MAP2K5: variants seen among roughly 807,000 people sequenced by gnomAD.
MAP2K5 encodes mitogen-activated protein kinase kinase 5.
MAP2K5 carries 49 observed loss-of-function variants against 83.1 expected under a neutral mutation model. The observed-to-expected ratio is 0.59, with a 90% confidence interval of 0.47 to 0.75. The LOEUF is 0.75. MAP2K5 is among the 30% of genes least tolerant of loss of function. The pLI is 0.00. For synonymous variants in MAP2K5, 202 were observed against 191.8 expected (o/e 1.05, Z -0.44); for missense variants, 457 against 557.5 (o/e 0.82, Z 1.82).
rs575659211 is a variant in MAP2K5 at position 67,760,931 on chromosome 15, C to T, written c.1135-8671C>T. Among the ~76,000 whole-genome samples, 27 of 152,116 alleles carry T rather than the reference C, an allele frequency of 1.8e-4. 2 individuals carry two copies. The highest frequency in any genetic ancestry group is 1.2e-3 in the Admixed American group (18 of 15,260). ...TGGGGGCACTGCTCTGCTTCACTGC[C>T]GAGTTGCTGTAATCGTTTTGCCGGC... On this transcript the variant is annotated intron_variant, in intron 19 of 21. Transcript: ENST00000178640. The surrounding 1 kb of genome is among the most constrained non-coding windows in gnomAD (Gnocchi z 4.1).
At chr15:67,669,028 C>G (rs962254386) in intron 13 of MAP2K5, among the ~76,000 whole-genome samples, 40 of 152,028 alleles carry the variant, frequency 2.6e-4, no homozygotes, top group African/African-American at 9.4e-4. Flanking sequence ...TATTTTCTAC[C>G]CTTGGCTTTT....
chr15:67,800,735 G>T (rs2090690005), intron 21 of MAP2K5, among the ~76,000 whole-genome samples: 1 of 152,170 alleles, frequency 6.6e-6, no homozygotes, highest in Non-Finnish European at 1.5e-5. Flanking sequence ...ACGTGATGGG[G>T]CTCAGTGTAC....
intron 8 of MAP2K5, among the ~76,000 whole-genome samples, chr15:67,625,519 A>T (rs1207877308): frequency 6.6e-6 from 1 of 152,248 alleles, no homozygotes; most frequent in African/African-American, 2.4e-5. Flanking sequence ...TTTTGGTGTA[A>T]GCAGAGCCTC....
chr15:67,714,712 C>A (rs1027578095), intron 16 of MAP2K5, among the ~76,000 whole-genome samples: 12 of 152,074 alleles, frequency 7.9e-5, no homozygotes, highest in Non-Finnish European at 5.9e-5. Context: ...GTTGAATATT[C>A]CTAACCTGAA....
At chr15:67,705,719 A>G (rs1023616570) in intron 16 of MAP2K5, among the ~76,000 whole-genome samples, 1 of 152,062 alleles carries the variant, frequency 6.6e-6, no homozygotes, top group African/African-American at 2.4e-5. Flanking sequence ...CTGTGTAACA[A>G]GAGCGAAACT....
chr15:67,742,230 G>T lies in MAP2K5; in HGVS notation c.1075-6001G>T, dbSNP rs963715310. Among the ~76,000 whole-genome samples, 3 of 152,176 alleles carry T rather than the reference G, an allele frequency of 2.0e-5. No homozygotes were observed. In the South Asian group the frequency reaches 6.2e-4, roughly 31 times the overall value. ...TTAACAGTTTAATCTGCCCAAAAGA[G>T]AATCATTGGAATCTCATCATTAGAA... On this transcript the variant is annotated intron_variant, in intron 17 of 21. Coordinates refer to ENST00000178640, the MANE Select transcript of MAP2K5 (RefSeq NM_145160.3).
chr15:67,625,106 A>C (rs2086287153), intron 8 of MAP2K5, among the ~76,000 whole-genome samples: 1 of 152,246 alleles, frequency 6.6e-6, no homozygotes, highest in South Asian at 2.1e-4. Flanking sequence ...CTACTAGCTC[A>C]ATAAATTATC....
intron 19 of MAP2K5, among the ~76,000 whole-genome samples, chr15:67,763,511 A>G (rs1053013435): frequency 6.6e-6 from 1 of 152,158 alleles, no homozygotes; most frequent in African/African-American, 2.4e-5. Flanking sequence ...GACCTTTAAA[A>G]TATTAAAATA....
At chr15:67,585,512 A>T (rs2085269818) in intron 4 of MAP2K5, among the ~76,000 whole-genome samples, 1 of 152,220 alleles carries the variant, frequency 6.6e-6, no homozygotes, top group African/African-American at 2.4e-5. Flanking sequence ...TTGCTCACAA[A>T]AAAATCCCTT....
At chr15:67,697,526 C>G (rs71400376) in intron 15 of MAP2K5, among the ~76,000 whole-genome samples, 1,586 of 152,250 alleles carry the variant, frequency 0.01, 11 homozygotes, top group Non-Finnish European at 0.014. Flanking sequence ...TGCATCTCCC[C>G]CAATCTAGAT....
chr15:67,624,338 CAAAAA>C (rs755739176), intron 8 of MAP2K5, among the ~76,000 whole-genome samples: 1 of 78,308 alleles, frequency 1.3e-5, no homozygotes. Context: ...GACTCCGTCT[CAAAAA>C]AAAAAAAAAA....
intron 2 of MAP2K5, among the ~76,000 whole-genome samples, chr15:67,557,017 T>A (rs1369740745): frequency 1.3e-5 from 2 of 152,246 alleles, no homozygotes; most frequent in East Asian, 3.8e-4. Flanking sequence ...GTAAATTCCA[T>A]AACCATAAAA....
chr15:67,632,451 G>T (rs562813675), intron 9 of MAP2K5, among the ~76,000 whole-genome samples: 1 of 152,264 alleles, frequency 6.6e-6, no homozygotes, highest in South Asian at 2.1e-4. Context: ...TACATAGTAA[G>T]CCTGTCTACT....
intron 8 of MAP2K5, chr15:67,627,991 A>T (rs2086366414): frequency 1.6e-5 from 12 of 741,734 alleles, no homozygotes; most frequent in Non-Finnish European, 2.1e-5. Context: ...GTAATGAGAG[A>T]TCCAAGCACC....
intron 7 of MAP2K5, among the ~76,000 whole-genome samples, chr15:67,593,805 T>G (rs1411077421): frequency 6.6e-6 from 1 of 152,252 alleles, no homozygotes; most frequent in Non-Finnish European, 1.5e-5. Flanking sequence ...CGTCCATGTT[T>G]CGAAGGCTGA....
intron 17 of MAP2K5, 114 bp downstream of exon 17, chr15:67,728,059 T>C (rs1282153803): frequency 1.4e-5 from 13 of 906,704 alleles, no homozygotes; most frequent in Non-Finnish European, 2.2e-5. Flanking sequence ...TCCTGTTAAA[T>C]TGAAAAGTGG....
intron 2 of MAP2K5, among the ~76,000 whole-genome samples, chr15:67,551,794 T>G (rs1017648535): frequency 1.3e-5 from 2 of 152,200 alleles, no homozygotes; most frequent in Non-Finnish European, 2.9e-5. Context: ...AAATGCCTAT[T>G]ATAATGGATT....
intron 16 of MAP2K5, among the ~76,000 whole-genome samples, chr15:67,705,779 G>A (rs2088536153): frequency 6.6e-6 from 1 of 152,030 alleles, no homozygotes; most frequent in Admixed American, 6.5e-5. Flanking sequence ...GTCCTCTCTG[G>A]TAAAGTACCA....
rs1271377254 is a variant in MAP2K5, at chr15:67,652,022, A to G, written c.736+5553A>G. Among the ~76,000 whole-genome samples, 1 of 152,150 alleles carries G rather than the reference A, an allele frequency of 6.6e-6. No individual in the cohort carries two copies. The highest frequency in any genetic ancestry group is 1.9e-4 in the East Asian group (1 of 5,190). On this transcript the variant is annotated intron_variant, in intron 11 of 21. Coordinates refer to ENST00000178640, the MANE Select transcript of MAP2K5 (RefSeq NM_145160.3). This position sits in a 1 kb window ranked among gnomAD's most constrained non-coding sequence, Gnocchi z 4.2. ...CCCCTTTCTCCACATCCTTGCCAGC[A>G]TCTATTATTCCCTGTCTTTTTGATA...
Sources: allele counts gnomAD v4.1 joint callset (sites outside exome capture counted in the v4.1 genomes callset), GRCh38; gene constraint gnomAD v4.1.1; non-coding constraint Gnocchi (gnomAD v3.1); transcripts MANE v1.5; gene names NCBI Gene and HGNC (gene_info 2026-07-23, HGNC 2026-07-21).